The following HCN1 variants were observed in gnomAD, a reference collection of about 807,000 sequenced individuals.
HCN1 encodes hyperpolarization activated cyclic nucleotide gated potassium channel 1, also known as potassium/sodium hyperpolarization-activated cyclic nucleotide-gated channel 1.
In HCN1, 13 loss-of-function variants were observed where a neutral mutation model predicts 78.9. The ratio of observed to expected loss-of-function variants is 0.16; its 90% CI spans 0.11 to 0.26. The LOEUF is 0.26. Among genes scored for constraint, HCN1 ranks in the 10% least tolerant of loss-of-function variants. The pLI is 1.00. For synonymous variants in HCN1, 552 were observed against 455.5 expected, an observed-to-expected ratio of 1.21 and a Z score of -2.70; for missense variants, 810 against 1,154.3, an observed-to-expected ratio of 0.70 and a Z score of 4.32.
intron 6 of HCN1, among the ~76,000 whole-genome samples, chr5:45,301,493 A>G (rs2111901278): frequency 6.6e-6 from 1 of 151,726 alleles, no homozygotes; most frequent in South Asian, 2.1e-4. Flanking sequence ...TCAAGGGAGG[A>G]GGATTGTTTG....
chr5:45,622,120 G>T (rs974267667), intron 2 of HCN1, among the ~76,000 whole-genome samples: 1 of 152,008 alleles, frequency 6.6e-6, no homozygotes, highest in African/African-American at 2.4e-5. Flanking sequence ...TACGCAGGAG[G>T]CTGAGGCAGG....
intron 3 of HCN1, among the ~76,000 whole-genome samples, chr5:45,418,117 C>G (rs1740154981): frequency 6.6e-6 from 1 of 151,556 alleles, no homozygotes; most frequent in African/African-American, 2.4e-5. Flanking sequence ...AAAAAGTAAA[C>G]AAAGGACTAC....
intron 2 of HCN1, chr5:45,560,009 C>T (rs954308369): frequency 6.6e-6 from 1 of 152,092 alleles, no homozygotes; most frequent in Non-Finnish European, 1.5e-5. Context: ...TTAAATGATG[C>T]TTAGCACTTT....
chr5:45,419,468 G>A (rs1740184108), intron 3 of HCN1, among the ~76,000 whole-genome samples: 1 of 152,182 alleles, frequency 6.6e-6, no homozygotes. Context: ...GAGTAAATAA[G>A]AGAGTGTTTA....
intron 2 of HCN1, among the ~76,000 whole-genome samples, chr5:45,599,685 G>A (rs1744583926): frequency 6.6e-6 from 1 of 151,966 alleles, no homozygotes; most frequent in African/African-American, 2.4e-5. Context: ...AATAATAGTC[G>A]AGTTGCTTTT....
At chr5:45,389,826 G>A (rs1381499066) in intron 4 of HCN1, among the ~76,000 whole-genome samples, 1 of 152,014 alleles carries the variant, frequency 6.6e-6, no homozygotes, top group Non-Finnish European at 1.5e-5. Flanking sequence ...TCTAGGTTAG[G>A]AATACGTCGT....
At chr5:45,315,518 A>G (rs566405515) in intron 5 of HCN1, among the ~76,000 whole-genome samples, 5 of 152,304 alleles carry the variant, frequency 3.3e-5, no homozygotes, top group Admixed American at 3.3e-4. Context: ...GAAAAGCAAG[A>G]GCAAACACAT....
chr5:45,410,937 A>G (rs1579876191), intron 3 of HCN1, among the ~76,000 whole-genome samples: 1 of 152,116 alleles, frequency 6.6e-6, no homozygotes, highest in Non-Finnish European at 1.5e-5. Context: ...AAGTTTTATC[A>G]TGTGTAGACT....
At chr5:45,461,715 AT>A (rs929767072) in intron 3 of HCN1, 130 bp downstream of exon 3, 289 of 847,888 alleles carry the variant, frequency 3.4e-4, no homozygotes, top group Admixed American at 1.8e-3. Context: ...CTGATTTTAT[AT>A]TCATAGAAGC....
At chr5:45,394,333 G>A (rs2112038131) in intron 4 of HCN1, among the ~76,000 whole-genome samples, 1 of 152,118 alleles carries the variant, frequency 6.6e-6, no homozygotes, top group Admixed American at 6.5e-5. Context: ...GAACCATATA[G>A]GAGGGCCAGC....
At chr5:45,460,021 C>T (rs949072371) in intron 3 of HCN1, among the ~76,000 whole-genome samples, 1 of 151,974 alleles carries the variant, frequency 6.6e-6, no homozygotes, top group Non-Finnish European at 1.5e-5. Context: ...CTTTAGTTAT[C>T]GAAACTACCA....
At chr5:45,486,945 C>T (rs1741777738) in intron 2 of HCN1, among the ~76,000 whole-genome samples, 1 of 152,048 alleles carries the variant, frequency 6.6e-6, no homozygotes, top group East Asian at 1.9e-4. Context: ...ACAATTATCA[C>T]AGTTGTCCTA....
chr5:45,509,091 A>G (rs1023624670), intron 2 of HCN1, among the ~76,000 whole-genome samples: 6 of 152,088 alleles, frequency 3.9e-5, no homozygotes, highest in African/African-American at 1.2e-4. Context: ...GATACACAAC[A>G]TGCTTCCTTC....
chr5:45,315,155 T>C (rs1034952207), intron 5 of HCN1, among the ~76,000 whole-genome samples: 9 of 152,260 alleles, frequency 5.9e-5, no homozygotes, highest in Middle Eastern at 3.4e-3. Flanking sequence ...ATTGACAACA[T>C]AGTTGGAAGT....
intron 2 of HCN1, chr5:45,575,939 G>A (rs1032366867): frequency 3.9e-5 from 6 of 152,014 alleles, no homozygotes; most frequent in Admixed American, 2.0e-4. Context: ...CATAGATGGT[G>A]ATTCCTCTGA....
intron 2 of HCN1, among the ~76,000 whole-genome samples, chr5:45,637,544 T>G (rs1745378343): frequency 6.6e-6 from 1 of 150,814 alleles, no homozygotes; most frequent in Non-Finnish European, 1.5e-5. Flanking sequence ...AATTGATGAA[T>G]GTTACAAAGC....
chr5:45,473,005 T>C (rs1741425904), intron 2 of HCN1, among the ~76,000 whole-genome samples: 1 of 151,936 alleles, frequency 6.6e-6, no homozygotes, highest in Non-Finnish European at 1.5e-5. Flanking sequence ...AACTGTTTTT[T>C]AATTGTTGAA....
intron 2 of HCN1, among the ~76,000 whole-genome samples, chr5:45,497,588 A>T (rs1324561503): frequency 1.3e-5 from 2 of 151,968 alleles, no homozygotes; most frequent in Non-Finnish European, 2.9e-5. Context: ...TTTTGAGCCT[A>T]TGTGTGTCTC....
rs753688436 is a variant in HCN1, at chr5:45,462,589, A to T, written c.850-582T>A. 1.4e-4 allele frequency among the ~76,000 whole-genome samples: 22 copies of T among 152,142 alleles called. 1 individual carries two copies. Among genetic ancestry groups the T allele is most frequent in the Non-Finnish European group, 1.5e-5 (1 of 67,982 alleles). ...ATAAAGGCTACCTGGATTTGGTTTA[A>T]AAACAATTGTGCAACACTTTTAAAA... On this transcript the variant is annotated intron_variant, in intron 2 of 7. Transcript: ENST00000303230.
Sources: gnomAD v4.1 joint callset for allele counts (sites outside exome capture counted in the v4.1 genomes callset) on GRCh38, gnomAD v4.1.1 for gene constraint, MANE v1.5 for transcripts, NCBI Gene and HGNC (gene_info 2026-07-23, HGNC 2026-07-21) for gene names.